Variants in STXBP6 observed in about 807,000 individuals in gnomAD.
The protein encoded by STXBP6 is syntaxin binding protein 6, also known as syntaxin-binding protein 6.
A neutral mutation model predicts 26.9 loss-of-function variants in STXBP6; 21 were observed. That is an observed-to-expected ratio of 0.78 (90% CI 0.55 to 1.12). STXBP6 has a LOEUF of 1.12. STXBP6 is among the 50% of genes most tolerant of loss of function. STXBP6 has a pLI of 0.00. For missense variants in STXBP6, 232 were observed against 257.9 expected (o/e 0.90, Z 0.69); for synonymous variants, 97 against 92.6 (o/e 1.05, Z -0.27).
chr14:25,021,605 A>G (rs1000606522), intron 1 of STXBP6, among the ~76,000 whole-genome samples: 1 of 152,126 alleles, frequency 6.6e-6, no homozygotes, highest in East Asian at 1.9e-4. Context: ...AAACCAGTTG[A>G]CATCTTGATG....
intron 2 of STXBP6, among the ~76,000 whole-genome samples, chr14:24,867,444 A>T (rs1386452191): frequency 6.6e-6 from 1 of 152,244 alleles, no homozygotes; most frequent in Non-Finnish European, 1.5e-5. Flanking sequence ...TAATACTGGC[A>T]TCAAGACAGA....
chr14:24,915,627 T>C (rs2071739650), intron 2 of STXBP6, among the ~76,000 whole-genome samples: 1 of 152,180 alleles, frequency 6.6e-6, no homozygotes, highest in African/African-American at 2.4e-5. Flanking sequence ...AGCATGTGTA[T>C]AGCAATAGTC....
intron 2 of STXBP6, among the ~76,000 whole-genome samples, chr14:24,972,147 A>G (rs946605195): frequency 5.3e-5 from 8 of 152,228 alleles, no homozygotes; most frequent in African/African-American, 1.7e-4. Context: ...TGTCAGATCT[A>G]CTTTATCAAT....
In STXBP6 at chr14:25,050,068, T is replaced by C. The variant is rs995635859; in HGVS notation, c.-223A>G. 2.4e-5 allele frequency: 4 copies of C among 168,208 alleles called. No homozygotes were observed. Among genetic ancestry groups the C allele is most frequent in the Non-Finnish European group, 4.7e-5 (4 of 84,692 alleles). 10.4% of individuals were successfully genotyped at this position (168,208 alleles called of 1,614,324 possible). A position where few individuals can be genotyped will look rare whatever the true frequency, so the allele number is the denominator to read the frequency against. The stretch of plus-strand genomic sequence containing the variant: ...GCTGCCGCGCGCGAAAAGGGAGGGG[T>C]TGGGGGGAAACTCCCGGCAACTCCA... On this transcript the variant is annotated 5_prime_UTR_variant, in exon 1 of 6. Coordinates refer to ENST00000323944, the MANE Select transcript of STXBP6 (RefSeq NM_001394410.1).
intron 2 of STXBP6, among the ~76,000 whole-genome samples, chr14:24,963,244 C>T (rs1330642742): frequency 6.6e-6 from 1 of 152,118 alleles, no homozygotes; most frequent in African/African-American, 2.4e-5. Context: ...AGGTATAACC[C>T]ACGTAATTAC....
chr14:24,823,195 C>A (rs2068188647), intron 4 of STXBP6, among the ~76,000 whole-genome samples: 1 of 152,098 alleles, frequency 6.6e-6, no homozygotes, highest in Non-Finnish European at 1.5e-5. Flanking sequence ...TATACGCTGA[C>A]ATCTTTTATG....
At chr14:24,992,015 CAGCTTT>C (rs985158676) in intron 1 of STXBP6, among the ~76,000 whole-genome samples, 2 of 152,194 alleles carry the variant, frequency 1.3e-5, no homozygotes, top group African/African-American at 4.8e-5. Flanking sequence ...AACATTCCAA[CAGCTTT>C]ATCACTGTGC....
At chr14:24,968,106 T>A (rs573838593) in intron 2 of STXBP6, among the ~76,000 whole-genome samples, 158 of 151,072 alleles carry the variant, frequency 1.0e-3, no homozygotes, top group African/African-American at 3.6e-3. Context: ...TGAATACTTT[T>A]AACTTTTATA....
rs1043358934 is a variant in STXBP6, at chr14:24,849,977, A to G, written c.451+5959T>C. Among the ~76,000 whole-genome samples the G allele has an allele frequency of 5.3e-5, 8 of 152,266 alleles. 2 individuals are homozygous for G. The highest frequency in any genetic ancestry group is 3.9e-4 in the Admixed American group (6 of 15,292). On this transcript the variant is annotated intron_variant, in intron 4 of 5. Coordinates refer to ENST00000323944, the MANE Select transcript of STXBP6 (RefSeq NM_001394410.1). ...GCATGTGTAGGAGTGTGAGGTTCAC[A>G]CTCCAAAGTCTTTATTCATTGACAG...
chr14:25,019,779 T>C (rs887026211), intron 1 of STXBP6, among the ~76,000 whole-genome samples: 1 of 152,172 alleles, frequency 6.6e-6, no homozygotes, highest in Non-Finnish European at 1.5e-5. Flanking sequence ...TTCTGCATAT[T>C]GACTAGGCAG....
At chr14:24,856,978 T>C (rs1303246113) in intron 3 of STXBP6, 49 bp downstream of exon 3, 1 of 1,593,360 alleles carries the variant, frequency 6.3e-7, no homozygotes, top group Non-Finnish European at 8.6e-7. Flanking sequence ...AATCAGAGAG[T>C]CATCTTGTGA....
At chr14:24,987,829 A>G in intron 1 of STXBP6, 1 of 985,494 alleles carries the variant, frequency 1.0e-6, no homozygotes, top group Non-Finnish European at 1.2e-6. Context: ...AAAAGGAGAA[A>G]AACAAACAGA....
At chr14:24,841,211 T>G (rs530485919) in intron 4 of STXBP6, among the ~76,000 whole-genome samples, 1 of 152,322 alleles carries the variant, frequency 6.6e-6, no homozygotes, top group South Asian at 2.1e-4. Flanking sequence ...ACATCTATAT[T>G]ACAGTCTAGC....
intron 1 of STXBP6, among the ~76,000 whole-genome samples, chr14:24,997,086 G>A (rs547274015): frequency 6.6e-6 from 1 of 152,134 alleles, no homozygotes; most frequent in South Asian, 2.1e-4. Context: ...CGTCCAGAGG[G>A]AAAGTGACTT....
At chr14:24,981,925 TAC>T (rs756485054) in intron 1 of STXBP6, among the ~76,000 whole-genome samples, 5 of 152,150 alleles carry the variant, frequency 3.3e-5, no homozygotes, top group Non-Finnish European at 7.4e-5. Flanking sequence ...CAAGAAATAA[TAC>T]AGAGTGAAAA....
At chr14:24,872,955 A>G (rs1422096635) in intron 2 of STXBP6, among the ~76,000 whole-genome samples, 1 of 152,230 alleles carries the variant, frequency 6.6e-6, no homozygotes, top group Non-Finnish European at 1.5e-5. Context: ...ATTCAGAAAC[A>G]TAATGGAAAC....
At chr14:25,023,659 T>A (rs938301487) in intron 1 of STXBP6, among the ~76,000 whole-genome samples, 14 of 151,780 alleles carry the variant, frequency 9.2e-5, no homozygotes, top group African/African-American at 2.7e-4. Context: ...GAAAAAAAAA[T>A]TATAAATAAG....
chr14:24,916,307 A>T (rs1220020815), intron 2 of STXBP6, among the ~76,000 whole-genome samples: 5 of 152,118 alleles, frequency 3.3e-5, no homozygotes, highest in Non-Finnish European at 5.9e-5. Flanking sequence ...AGCTGGGGAA[A>T]TCTATAAATC....
intron 2 of STXBP6, among the ~76,000 whole-genome samples, chr14:24,964,114 C>A (rs2073647233): frequency 6.6e-6 from 1 of 151,978 alleles, no homozygotes; most frequent in African/African-American, 2.4e-5. Flanking sequence ...TGGGATTATG[C>A]CCAATTCCCC....
Sources: allele counts gnomAD v4.1 joint callset (sites outside exome capture counted in the v4.1 genomes callset), GRCh38; gene constraint gnomAD v4.1.1; transcripts MANE v1.5; gene names NCBI Gene and HGNC (gene_info 2026-07-23, HGNC 2026-07-21).